PHF21B: variants seen among roughly 807,000 people sequenced by gnomAD.
PHF21B encodes the protein PHD finger protein 21B.
PHF21B carries 22 observed loss-of-function variants against 62.2 expected under a neutral mutation model. That is an observed-to-expected ratio of 0.35 (90% confidence interval 0.25 to 0.51). The LOEUF (loss-of-function observed/expected upper bound fraction) is 0.51, where lower values mean the gene tolerates loss of function less well. Ranked by LOEUF, PHF21B falls within the 20% of genes least tolerant of loss-of-function variation. The pLI, the probability that PHF21B is intolerant of heterozygous loss-of-function variation, is 0.97. For missense variants in PHF21B, 701 were observed against 707.9 expected (o/e 0.99, Z 0.11); for synonymous variants, 341 against 314.7 (o/e 1.08, Z -0.88).
At chr22:45,005,319 C>T (rs1190660290) in intron 2 of PHF21B, among the ~76,000 whole-genome samples, 1 of 152,192 alleles carries the variant, frequency 6.6e-6, no homozygotes, top group Non-Finnish European at 1.5e-5. Flanking sequence ...CTGGCCTGGG[C>T]CTGGCCACAA....
chr22:44,991,825 T>C (rs924578845), intron 2 of PHF21B, among the ~76,000 whole-genome samples: 3 of 152,264 alleles, frequency 2.0e-5, no homozygotes, highest in African/African-American at 7.2e-5. Context: ...ATGGCTGCCC[T>C]CGCTGGCCTT....
chr22:44,891,307 T>C lies in PHF21B; in HGVS notation c.1014A>G (p.Arg338=). 6.2e-7 allele frequency: 1 copy of C among 1,613,894 alleles called. No individual in the cohort carries two copies. The change falls in exon 8 of 13, where the codon AGA becomes AGG. Residue 338 remains arginine (R), a splice_region_variant and synonymous_variant. Transcript: ENST00000313237. ...YLNNPLFLTA[R]ANEDPCWKNE... Reference sequence around the variant, plus strand: ...AGAAGGCCTGAAGCCGGTGCTTACCTCTCGCTGTGAGGAACAGGGGGTTGT... The same window carrying C: ...AGAAGGCCTGAAGCCGGTGCTTACCCCTCGCTGTGAGGAACAGGGGGTTGT...
intron 2 of PHF21B, among the ~76,000 whole-genome samples, chr22:44,922,116 A>G (rs2071549019): frequency 3.9e-5 from 6 of 152,262 alleles, no homozygotes; most frequent in Admixed American, 3.3e-4. Flanking sequence ...ACAGAATGTT[A>G]GCAAATCAAT....
At chr22:44,885,092 C>T (rs2070831914) in intron 12 of PHF21B, among the ~76,000 whole-genome samples, 2 of 152,266 alleles carry the variant, frequency 1.3e-5, no homozygotes, top group Admixed American at 6.5e-5. Context: ...CTGCCTTCTC[C>T]ACATACTGGC....
At chr22:45,000,348 TGAA>T (rs1264483304) in intron 2 of PHF21B, among the ~76,000 whole-genome samples, 8 of 151,862 alleles carry the variant, frequency 5.3e-5, no homozygotes, top group African/African-American at 1.5e-4. Context: ...CCTCGGCTGC[TGAA>T]GAAGGAGTGT....
At chr22:44,887,691 G>A (rs1474616394) in intron 10 of PHF21B, among the ~76,000 whole-genome samples, 1 of 147,950 alleles carries the variant, frequency 6.8e-6, no homozygotes, top group African/African-American at 2.5e-5. Flanking sequence ...GGAGGCAGAG[G>A]TTGCAATGAC....
At chr22:44,981,722 TAAC>T (rs939766465) in intron 2 of PHF21B, among the ~76,000 whole-genome samples, 5 of 152,146 alleles carry the variant, frequency 3.3e-5, no homozygotes, top group African/African-American at 1.2e-4. Context: ...CTGTGCCCCT[TAAC>T]AACAGCTACA....
At chr22:44,945,944 C>A (rs1177703775) in intron 2 of PHF21B, among the ~76,000 whole-genome samples, 1 of 152,166 alleles carries the variant, frequency 6.6e-6, no homozygotes, top group Non-Finnish European at 1.5e-5. Context: ...GTTCCTTCTG[C>A]CTGGGTCGCT....
chr22:44,954,388 A>T (rs2072253316), intron 2 of PHF21B, among the ~76,000 whole-genome samples: 1 of 152,088 alleles, frequency 6.6e-6, no homozygotes, highest in African/African-American at 2.4e-5. Flanking sequence ...ATCTTGCCAG[A>T]TTCCTCTCTC....
At chr22:44,915,045 G>A (rs2071409580) in intron 4 of PHF21B, among the ~76,000 whole-genome samples, 1 of 152,146 alleles carries the variant, frequency 6.6e-6, no homozygotes, top group Non-Finnish European at 1.5e-5. Context: ...AAGCACGGGT[G>A]GTGACTGTCT....
chr22:44,930,433 G>A (rs532512817), intron 2 of PHF21B, among the ~76,000 whole-genome samples: 1 of 152,306 alleles, frequency 6.6e-6, no homozygotes, highest in South Asian at 2.1e-4. Context: ...ATGCATGAAG[G>A]AGACAGAGGG....
chr22:44,994,104 C>T (rs888796918), intron 2 of PHF21B, among the ~76,000 whole-genome samples: 35 of 152,238 alleles, frequency 2.3e-4, no homozygotes, highest in African/African-American at 8.4e-4. Flanking sequence ...CCTGCTGCTG[C>T]GTCGGCCCGG....
rs570666585 is a variant in PHF21B, at chr22:44,898,868, CA to C, written c.832-2786del. ...CTTTCTGTATGGCTACCATTTGTTC[CA>C]ATACCATTTACTGAAAATTCCATCT... On this transcript the variant is annotated intron_variant, in intron 5 of 12. Coordinates refer to ENST00000313237, the MANE Select transcript of PHF21B (RefSeq NM_138415.5). Among the ~76,000 whole-genome samples, 143 of 152,294 alleles carry C rather than the reference CA, an allele frequency of 9.4e-4. 1 individual carries two copies. Among genetic ancestry groups the C allele is most frequent in the African/African-American group, 3.1e-3 (128 of 41,534 alleles).
chr22:44,886,544 G>A (rs1167917476), intron 10 of PHF21B, among the ~76,000 whole-genome samples: 1 of 152,140 alleles, frequency 6.6e-6, no homozygotes, highest in East Asian at 1.9e-4. Context: ...AAAATTAGCT[G>A]GCCATGGTGG....
chr22:44,883,218 C>A lies in PHF21B; in HGVS notation c.1464G>T (p.Leu488=). 6.2e-7 allele frequency: 1 copy of A among 1,613,932 alleles called. No homozygotes were observed. Residue 488 remains leucine (L), a synonymous_variant, in exon 13 of 13, where the codon CTG becomes CTT. Transcript: ENST00000313237. ...SLDRLRALLR[L]IQGEQLLQVT... is the part of the protein sequence containing the mutation. ...CCTGGAGCAGCTGCTCGCCCTGTAT[C>A]AGTCTCAGGAGGGCCCGCAGGCGGT...
intron 2 of PHF21B, among the ~76,000 whole-genome samples, chr22:44,958,023 C>T (rs2072336709): frequency 6.6e-6 from 1 of 152,054 alleles, no homozygotes; most frequent in Non-Finnish European, 1.5e-5. Context: ...CTGCCTCTGC[C>T]TCCCGAGTAG....
Position 45,009,519 on chromosome 22 carries a change from C to A in PHF21B, c.31G>T (p.Ala11Ser). MELQSRPEALAVELARHQNGD... is the reference protein window; with the variant it reads MELQSRPEALSVELARHQNGD... ...ACCTGGTGGCGCGCGAGTTCCACGG[C>A]GAGCGCCTCGGGCCGGCTCTGCAGC... Residue 11 changes from alanine to serine, a missense_variant, in exon 1 of 13, where the codon GCC becomes TCC. Coordinates refer to ENST00000313237, the MANE Select transcript of PHF21B (RefSeq NM_138415.5). This position sits in a 1 kb window ranked among gnomAD's most constrained non-coding sequence, Gnocchi z 5.9. The A allele has an allele frequency of 6.4e-7, 1 of 1,567,548 alleles. No homozygotes were observed.
At chr22:45,002,683 C>T (rs779190849) in intron 2 of PHF21B, among the ~76,000 whole-genome samples, 3 of 152,254 alleles carry the variant, frequency 2.0e-5, no homozygotes, top group Non-Finnish European at 4.4e-5. Context: ...TGCACTCCTA[C>T]ACACATCTTC....
At chr22:44,944,385 C>G (rs1290373332) in intron 2 of PHF21B, among the ~76,000 whole-genome samples, 1 of 152,216 alleles carries the variant, frequency 6.6e-6, no homozygotes, top group East Asian at 1.9e-4. Context: ...GCATGCTCAC[C>G]TCTGATGTCT....
Sources: gnomAD v4.1 joint callset for allele counts (sites outside exome capture counted in the v4.1 genomes callset) on GRCh38, gnomAD v4.1.1 for gene constraint, Gnocchi (gnomAD v3.1) non-coding constraint, MANE v1.5 for transcripts, NCBI Gene and HGNC (gene_info 2026-07-23, HGNC 2026-07-21) for gene names.